Variants in RYR3 observed in about 807,000 individuals in gnomAD.
RYR3 encodes ryanodine receptor 3, also known as brain ryanodine receptor-calcium release channel.
A neutral mutation model predicts 584.3 loss-of-function variants in RYR3; 207 were observed. The observed-to-expected ratio is 0.35, with a 90% CI of 0.32 to 0.40. The LOEUF (loss-of-function observed/expected upper bound fraction) is 0.40. RYR3 is among the 10% of genes least tolerant of loss of function. The pLI is 1.00. For synonymous variants in RYR3, 2,416 were observed against 2,248.5 expected (o/e 1.07, Z -2.11); for missense variants, 5,616 against 6,089.2 (o/e 0.92, Z 2.59).
chr15:33,634,577 G>A lies in RYR3; in HGVS notation c.3028-9G>A, dbSNP rs368914456. 6.4e-5 allele frequency: 104 copies of A among 1,613,524 alleles called. No homozygotes were observed. Among genetic ancestry groups the A allele is most frequent in the African/African-American group, 5.6e-4 (42 of 74,990 alleles). On this transcript the variant is annotated splice_polypyrimidine_tract_variant and intron_variant, in intron 24 of 103. Transcript: ENST00000634891. ...TTTCTTGGCACCTTTTTTCTCTGGC[G>A]TCACATAGGATTTGAAGAACAAAAG...
At chr15:33,330,787 C>G (rs1020830926) in intron 1 of RYR3, among the ~76,000 whole-genome samples, 1 of 152,132 alleles carries the variant, frequency 6.6e-6, no homozygotes, top group Non-Finnish European at 1.5e-5. Flanking sequence ...TATCAATCCC[C>G]TTCGTCAGTC....
chr15:33,848,443 C>T (rs1199360832), intron 94 of RYR3, 22 bp downstream of exon 94: 3 of 1,595,376 alleles, frequency 1.9e-6, no homozygotes, highest in Non-Finnish European at 2.6e-6. Flanking sequence ...TCTACCCCAA[C>T]CTAAAAAGGA....
At chr15:33,814,617 C>T (rs897632256) in intron 74 of RYR3, among the ~76,000 whole-genome samples, 7 of 151,904 alleles carry the variant, frequency 4.6e-5, no homozygotes, top group Admixed American at 2.6e-4. Context: ...TGATGGTCTC[C>T]GCCGGGCGCA....
rs10578832 is a variant in RYR3 at position 33,602,733 on chromosome 15, CTTTTTTTTTTTT to C, written c.1923-372_1923-361del. ...TTGAGGGTCCTAAGCTTTTTCTAGT[CTTTTTTTTTTTT>C]TTTTTTTTTTTTTTTTTGGAGACAA... On this transcript the variant is annotated intron_variant, in intron 17 of 103. Transcript: ENST00000634891. Among the ~76,000 whole-genome samples the C allele has an allele frequency of 1.0e-3, 76 of 75,238 alleles. 2 individuals are homozygous for C. Among genetic ancestry groups the C allele is most frequent in the Middle Eastern group, 0.021 (2 of 96 alleles). The allele number at this position is 75,238 out of a possible 152,430, so 49.4% of individuals were successfully genotyped here.
intron 4 of RYR3, among the ~76,000 whole-genome samples, chr15:33,532,158 A>G (rs2054935292): frequency 6.6e-6 from 1 of 152,204 alleles, no homozygotes; most frequent in South Asian, 2.1e-4. Context: ...ACTGTGGCTT[A>G]GAAAGCACAT....
chr15:33,643,461 C>A lies in RYR3; in HGVS notation c.3557-850C>A, dbSNP rs1212312966. Among the ~76,000 whole-genome samples the A allele has an allele frequency of 3.9e-5, 6 of 152,278 alleles. No individual in the cohort carries two copies. In the East Asian group the frequency reaches 1.2e-3, roughly 29 times the overall value. On this transcript the variant is annotated intron_variant, in intron 27 of 103. Transcript: ENST00000634891. ...GTGGTAGTTTTTTAATACGATCAAGCTACAGATGTGAGTTTGGAGAGATGA... is the reference window on the plus strand; with the variant it reads ...GTGGTAGTTTTTTAATACGATCAAGATACAGATGTGAGTTTGGAGAGATGA...
At chr15:33,763,383 A>G (rs1223025577) in intron 60 of RYR3, among the ~76,000 whole-genome samples, 3 of 152,038 alleles carry the variant, frequency 2.0e-5, no homozygotes, top group East Asian at 1.9e-4. Flanking sequence ...ACAAAGGGCT[A>G]ATATCCAGAA....
intron 10 of RYR3, among the ~76,000 whole-genome samples, chr15:33,554,603 A>G (rs1381874236): frequency 6.6e-6 from 1 of 152,180 alleles, no homozygotes; most frequent in South Asian, 2.1e-4. Context: ...GCCAACCTCC[A>G]TTATCTTTAC....
At chr15:33,508,026 A>G (rs771385529) in intron 3 of RYR3, among the ~76,000 whole-genome samples, 12 of 152,164 alleles carry the variant, frequency 7.9e-5, no homozygotes, top group Non-Finnish European at 1.5e-4. Context: ...GGTGCATGTT[A>G]AACTTAACTC....
chr15:33,789,299 G>A (rs1237106888), intron 67 of RYR3, among the ~76,000 whole-genome samples: 1 of 151,986 alleles, frequency 6.6e-6, no homozygotes, highest in African/African-American at 2.4e-5. Context: ...TTCTGAGGGA[G>A]TCTGTAATGT....
At chr15:33,566,170 A>C (rs2057704457) in intron 11 of RYR3, among the ~76,000 whole-genome samples, 1 of 152,164 alleles carries the variant, frequency 6.6e-6, no homozygotes, top group South Asian at 2.1e-4. Flanking sequence ...GCCAGCTACC[A>C]CCTTGAGCTG....
chr15:33,622,924 C>T (rs1404724642), intron 19 of RYR3, among the ~76,000 whole-genome samples: 2 of 152,220 alleles, frequency 1.3e-5, no homozygotes, highest in Non-Finnish European at 2.9e-5. Context: ...CAATCTAACT[C>T]TAACCTAACC....
At chr15:33,725,987 A>AC (rs760130415) in intron 45 of RYR3, among the ~76,000 whole-genome samples, 5,351 of 137,386 alleles carry the variant, frequency 0.039, 1,115 homozygotes, top group African/African-American at 0.079. Flanking sequence ...AAAAAAAAAA[A>AC]AAAAAAAAAA....
chr15:33,539,970 T>C (rs142839796), intron 6 of RYR3, among the ~76,000 whole-genome samples: 3,096 of 152,144 alleles, frequency 0.02, 73 homozygotes, highest in Non-Finnish European at 0.025. Flanking sequence ...AGAAAATCCA[T>C]GTATATGCAG....
intron 20 of RYR3, among the ~76,000 whole-genome samples, chr15:33,624,963 C>G (rs1013669911): frequency 2.6e-5 from 4 of 152,166 alleles, no homozygotes; most frequent in African/African-American, 9.7e-5. Context: ...GTTCATGAGT[C>G]TGCTTCTTAC....
At chr15:33,755,740 G>T (rs576179779) in intron 58 of RYR3, among the ~76,000 whole-genome samples, 6 of 152,220 alleles carry the variant, frequency 3.9e-5, no homozygotes, top group African/African-American at 1.4e-4. Context: ...TATGACTGTG[G>T]ACATATGACT....
chr15:33,418,627 T>C (rs1224278068), intron 1 of RYR3, among the ~76,000 whole-genome samples: 2 of 152,098 alleles, frequency 1.3e-5, no homozygotes, highest in African/African-American at 2.4e-5. Context: ...TATAGTGATA[T>C]GTCAATAAGC....
intron 18 of RYR3, among the ~76,000 whole-genome samples, chr15:33,612,784 C>T (rs926850741): frequency 6.6e-6 from 1 of 152,212 alleles, no homozygotes; most frequent in Admixed American, 6.5e-5. Context: ...TGGGCACTTA[C>T]AACTAAACAG....
At chr15:33,500,096 T>C (rs1027562352) in intron 2 of RYR3, among the ~76,000 whole-genome samples, 2 of 152,206 alleles carry the variant, frequency 1.3e-5, no homozygotes, top group Non-Finnish European at 2.9e-5. Context: ...CTTACTATTC[T>C]ATGTACTTGG....
Sources: gnomAD v4.1 joint callset for allele counts (sites outside exome capture counted in the v4.1 genomes callset) on GRCh38, gnomAD v4.1.1 for gene constraint, MANE v1.5 for transcripts, NCBI Gene and HGNC (gene_info 2026-07-23, HGNC 2026-07-21) for gene names.